The following LDB2 variants were observed in gnomAD, a reference collection of about 807,000 sequenced individuals.
LDB2 encodes LIM domain binding 2, also known as LIM domain-binding protein 2.
In LDB2, 12 loss-of-function variants were observed where a neutral mutation model predicts 44.3. That is an observed-to-expected ratio of 0.27 (90% CI 0.17 to 0.44). The LOEUF is 0.44. Ranked by LOEUF, LDB2 falls within the 20% of genes least tolerant of loss-of-function variation. LDB2 has a pLI of 1.00. For missense variants in LDB2, 344 were observed against 473.5 expected (o/e 0.73, Z 2.54); for synonymous variants, 164 against 174.8 (o/e 0.94, Z 0.49).
At chr4:16,765,474 G>C (rs181654897) in intron 1 of LDB2, among the ~76,000 whole-genome samples, 6 of 152,170 alleles carry the variant, frequency 3.9e-5, no homozygotes, top group Admixed American at 2.6e-4. Context: ...AATCCCAATA[G>C]AGCGTATATG....
In LDB2 at chr4:16,529,627, AC is replaced by A. The variant is rs1729439626; in HGVS notation, c.616-17524del. Among the ~76,000 whole-genome samples, 5 of 152,100 alleles carry A rather than the reference AC, an allele frequency of 3.3e-5. No homozygotes were observed. In the South Asian group the frequency reaches 1.0e-3, roughly 32 times the overall value. ...TTCCTCCACCTATCTGCATTTAATC[AC>A]ATAGGGAGCTTCTCTTCCTTGTCTT... On this transcript the variant is annotated intron_variant, in intron 5 of 7. Transcript: ENST00000304523.
chr4:16,822,105 G>C (rs1317481672), intron 1 of LDB2, among the ~76,000 whole-genome samples: 1 of 128,236 alleles, frequency 7.8e-6, no homozygotes, highest in Admixed American at 8.1e-5. Context: ...GGCTTACTAG[G>C]ATTGTTAAAA....
chr4:16,541,514 G>A (rs963727711), intron 5 of LDB2, among the ~76,000 whole-genome samples: 3 of 152,132 alleles, frequency 2.0e-5, no homozygotes, highest in Non-Finnish European at 1.5e-5. Context: ...TCTTAATAGC[G>A]ATGCAAGAAT....
At chr4:16,857,213 A>T (rs1789528621) in intron 1 of LDB2, among the ~76,000 whole-genome samples, 3 of 152,184 alleles carry the variant, frequency 2.0e-5, no homozygotes, top group Admixed American at 2.0e-4. Flanking sequence ...TTTCTTTGAC[A>T]TGTCTCTGTC....
chr4:16,770,976 G>A (rs940544393), intron 1 of LDB2, among the ~76,000 whole-genome samples: 11 of 152,116 alleles, frequency 7.2e-5, no homozygotes, highest in African/African-American at 1.2e-4. Context: ...GCAGCAAGTC[G>A]TATATCTTGA....
chr4:16,675,546 T>A (rs1242106843), intron 2 of LDB2, among the ~76,000 whole-genome samples: 1 of 151,260 alleles, frequency 6.6e-6, no homozygotes, highest in Non-Finnish European at 1.5e-5. Flanking sequence ...AAGGCAGGGA[T>A]ATAGATAATT....
Position 16,756,383 on chromosome 4 carries a change from G to A in LDB2, c.235+2775C>T, listed in dbSNP as rs908880915. Reference sequence around the variant, plus strand: ...TCAGGAGGATCACTTGAACCCAGAAGTGGAGGTTGCAGTGAGCTGAGATCA... The same window carrying A: ...TCAGGAGGATCACTTGAACCCAGAAATGGAGGTTGCAGTGAGCTGAGATCA... On this transcript the variant is annotated intron_variant, in intron 2 of 7. Coordinates refer to ENST00000304523, the MANE Select transcript of LDB2 (RefSeq NM_001290.5). Among the ~76,000 whole-genome samples the A allele has an allele frequency of 2.0e-5, 3 of 152,116 alleles. No homozygotes were observed. The East Asian group carries it at 5.8e-4, about 29-fold the overall frequency.
chr4:16,622,496 G>A (rs1239407229), intron 2 of LDB2, among the ~76,000 whole-genome samples: 1 of 152,124 alleles, frequency 6.6e-6, no homozygotes, highest in Non-Finnish European at 1.5e-5. Flanking sequence ...GGATACCTTG[G>A]GGATTAAAGA....
At chr4:16,510,913 C>T (rs1047681462) in intron 6 of LDB2, among the ~76,000 whole-genome samples, 13 of 152,122 alleles carry the variant, frequency 8.5e-5, no homozygotes, top group African/African-American at 2.9e-4. Context: ...AAATATAGCA[C>T]TTGCTGAGTG....
intron 1 of LDB2, among the ~76,000 whole-genome samples, chr4:16,769,448 C>T (rs568410509): frequency 6.6e-6 from 1 of 152,032 alleles, no homozygotes; most frequent in Non-Finnish European, 1.5e-5. Context: ...AGGAGCCCAC[C>T]ACCATGCCCA....
chr4:16,608,605 A>G lies in LDB2; in HGVS notation c.236-12730T>C, dbSNP rs1189806417. Among the ~76,000 whole-genome samples, 5 of 152,186 alleles carry G rather than the reference A, an allele frequency of 3.3e-5. No homozygotes were observed. The East Asian group carries it at 9.6e-4, about 29-fold the overall frequency. ...TCCTTGGACCTAGGTGCCAATGCTTACAGCAGCACGTCACTAATGTCTCTC... is the reference window on the plus strand; with the variant it reads ...TCCTTGGACCTAGGTGCCAATGCTTGCAGCAGCACGTCACTAATGTCTCTC... On this transcript the variant is annotated intron_variant, in intron 2 of 7. Coordinates refer to ENST00000304523, the MANE Select transcript of LDB2 (RefSeq NM_001290.5).
rs1413870837 is a variant in LDB2, at chr4:16,856,252, A to C, written c.132+42102T>G. Among the ~76,000 whole-genome samples, 3 of 152,206 alleles carry C rather than the reference A, an allele frequency of 2.0e-5. No homozygotes were observed. The East Asian group carries it at 5.8e-4, about 29-fold the overall frequency. On this transcript the variant is annotated intron_variant, in intron 1 of 7. Coordinates refer to ENST00000304523, the MANE Select transcript of LDB2 (RefSeq NM_001290.5). ...TTAAAGAGTGTCAGATGAGCTTGAGATCAAAATCTTTGATATTCCTGGTCA... is the reference window on the plus strand; with the variant it reads ...TTAAAGAGTGTCAGATGAGCTTGAGCTCAAAATCTTTGATATTCCTGGTCA...
At chr4:16,601,144 C>T (rs561304220) in intron 2 of LDB2, among the ~76,000 whole-genome samples, 2 of 152,156 alleles carry the variant, frequency 1.3e-5, no homozygotes, top group South Asian at 2.1e-4. Context: ...TGTGGTAAAA[C>T]AGATATACAC....
At chr4:16,884,568 A>T (rs1721094677) in intron 1 of LDB2, among the ~76,000 whole-genome samples, 1 of 152,170 alleles carries the variant, frequency 6.6e-6, no homozygotes, top group Non-Finnish European at 1.5e-5. Context: ...TTGCTACCTT[A>T]AACACCCTTT....
chr4:16,860,896 A>G (rs1712318194), intron 1 of LDB2, among the ~76,000 whole-genome samples: 1 of 149,998 alleles, frequency 6.7e-6, no homozygotes, highest in South Asian at 2.1e-4. Flanking sequence ...TGAATACCCC[A>G]GGGGCATTCC....
Position 16,818,539 on chromosome 4 carries a change from A to T in LDB2, c.133-59279T>A, listed in dbSNP as rs1781359670. Reference sequence around the variant, plus strand: ...TGTTGTTCTTTATTTTCCTTCATTGACTTCTTTTATAAGTAAAATAGAAGA... The same window carrying T: ...TGTTGTTCTTTATTTTCCTTCATTGTCTTCTTTTATAAGTAAAATAGAAGA... On this transcript the variant is annotated intron_variant, in intron 1 of 7. Coordinates refer to ENST00000304523, the MANE Select transcript of LDB2 (RefSeq NM_001290.5). 3.9e-5 allele frequency among the ~76,000 whole-genome samples: 6 copies of T among 152,238 alleles called. No homozygotes were observed. The South Asian group carries it at 1.0e-3, about 26-fold the overall frequency.
chr4:16,537,508 T>G (rs1463541083), intron 5 of LDB2, among the ~76,000 whole-genome samples: 11 of 152,220 alleles, frequency 7.2e-5, no homozygotes, highest in Non-Finnish European at 1.6e-4. Context: ...GAGACCTTTG[T>G]TTTGGAAAGA....
At chr4:16,837,960 A>G (rs189151809) in intron 1 of LDB2, among the ~76,000 whole-genome samples, 12 of 152,370 alleles carry the variant, frequency 7.9e-5, no homozygotes, top group Admixed American at 7.8e-4. Flanking sequence ...AAACTTGTAC[A>G]TGAGACTGTG....
intron 2 of LDB2, among the ~76,000 whole-genome samples, chr4:16,666,362 A>G (rs1743214458): frequency 6.6e-6 from 1 of 152,178 alleles, no homozygotes; most frequent in Non-Finnish European, 1.5e-5. Flanking sequence ...GGCAAAAAAA[A>G]AGGCTACGCT....
Sources: gnomAD v4.1 joint callset for allele counts (sites outside exome capture counted in the v4.1 genomes callset) on GRCh38, gnomAD v4.1.1 for gene constraint, MANE v1.5 for transcripts, NCBI Gene and HGNC (gene_info 2026-07-23, HGNC 2026-07-21) for gene names.